Variants in FER1L5 observed in about 807,000 individuals in gnomAD.
FER1L5 encodes the protein fer-1-like protein 5.
A neutral mutation model predicts 279.9 loss-of-function variants in FER1L5; 187 were observed. The ratio of observed to expected loss-of-function variants is 0.67; its 90% CI spans 0.59 to 0.75. FER1L5 has a LOEUF of 0.75. Among genes scored for constraint, FER1L5 ranks in the 30% least tolerant of loss-of-function variants. The pLI is 0.00. For missense variants in FER1L5, 2,091 were observed against 2,594.4 expected, an observed-to-expected ratio of 0.81 and a Z score of 4.21; for synonymous variants, 921 against 989.7, an observed-to-expected ratio of 0.93 and a Z score of 1.30.
rs544124890 is a variant in FER1L5 at position 96,700,415 on chromosome 2, C to T, written c.5014C>T (p.Pro1672Ser). ...CCTCCTGCACACCCAGGGGCTGGTA[C>T]CTGAGCACGTGGAGACCCGCACACT... ...LYLLHTQGLVPEHVETRTLYS... is the reference protein window; with the variant it reads ...LYLLHTQGLVSEHVETRTLYS... The change falls in exon 45 of 53, where the codon CCT becomes TCT. Residue 1672 changes from proline (P) to serine (S), a missense_variant. Coordinates refer to ENST00000624922, the MANE Select transcript of FER1L5 (RefSeq NM_001293083.2). 8.7e-6 allele frequency: 14 copies of T among 1,613,844 alleles called. No homozygotes were observed. Among genetic ancestry groups the T allele is most frequent in the Admixed American group, 6.7e-5 (4 of 60,026 alleles).
chr2:96,664,316 C>T (rs1444983752), intron 14 of FER1L5, among the ~76,000 whole-genome samples: 1 of 152,070 alleles, frequency 6.6e-6, no homozygotes, highest in Non-Finnish European at 1.5e-5. Flanking sequence ...TGCCTAATGC[C>T]TCTTGGGAAT....
intron 20 of FER1L5, 140 bp downstream of exon 20, chr2:96,684,591 G>A: frequency 1.6e-6 from 2 of 1,284,812 alleles, no homozygotes; most frequent in Non-Finnish European, 1.0e-6. Flanking sequence ...AGAAGAATGT[G>A]CCAGAAGCAG....
chr2:96,694,520 T>A lies in FER1L5; in HGVS notation c.3741+56T>A. 4 of 1,364,672 alleles carry A rather than the reference T, an allele frequency of 2.9e-6. No homozygotes were observed. Among genetic ancestry groups the A allele is most frequent in the Non-Finnish European group, 3.9e-6 (4 of 1,016,600 alleles). The allele number at this position is 1,364,672 out of a possible 1,614,324, so 84.5% of individuals were successfully genotyped here. On this transcript the variant is annotated intron_variant, in intron 34 of 52. Coordinates refer to ENST00000624922, the MANE Select transcript of FER1L5 (RefSeq NM_001293083.2). This position sits in a 1 kb window ranked among gnomAD's most constrained non-coding sequence, Gnocchi z 4.6. ...CAGGACAGGCGGGGGTGGTCTGGAG[T>A]GCGCTGCAGCCTTCTGCTGGTCCTC...
At chr2:96,664,078 A>C (rs2076045271) in intron 14 of FER1L5, among the ~76,000 whole-genome samples, 1 of 151,664 alleles carries the variant, frequency 6.6e-6, no homozygotes, top group Non-Finnish European at 1.5e-5. Context: ...AAGCCACTGC[A>C]CTCCAGCCTG....
At position 96,687,845 on chromosome 2, in the gene FER1L5, G is replaced by A. The variant is rs571109183; in HGVS notation, c.2259G>A (p.Val753=). The A allele has an allele frequency of 2.6e-6, 4 of 1,551,270 alleles. No homozygotes were observed. In the South Asian group the frequency reaches 4.8e-5, roughly 18 times the overall value. ...CAGAGGGTGAAGGACAGAAGGATGT[G>A]CTCCCAGCTCACCTCCGGGTCTGCA... is the stretch of plus-strand genomic sequence containing the variant. ...QYPEGEGQKD[V]LPAHLRVCMW... is the part of the protein sequence containing the mutation. Residue 753 remains valine (V), a synonymous_variant, in exon 24 of 53, where the codon GTG becomes GTA. Coordinates refer to ENST00000624922, the MANE Select transcript of FER1L5 (RefSeq NM_001293083.2).
intron 13 of FER1L5, 34 bp downstream of exon 13, chr2:96,662,301 T>C (rs1467979326): frequency 4.5e-6 from 7 of 1,547,080 alleles, no homozygotes; most frequent in East Asian, 4.9e-5. Flanking sequence ...CCCAGAGAGA[T>C]TGGCATCTAG....
At chr2:96,693,292 T>A (rs1210495630) in intron 31 of FER1L5, among the ~76,000 whole-genome samples, 2 of 151,874 alleles carry the variant, frequency 1.3e-5, no homozygotes, top group Admixed American at 6.6e-5. Context: ...CTGGGAGGCA[T>A]ACAGAACTCG....
chr2:96,663,812 G>A (rs755914603), intron 14 of FER1L5, among the ~76,000 whole-genome samples: 5 of 152,242 alleles, frequency 3.3e-5, no homozygotes, highest in Non-Finnish European at 5.9e-5. Flanking sequence ...GGAGGCTGAC[G>A]TGGGCAGATC....
Position 96,694,673 on chromosome 2 carries a change from G to C in FER1L5, c.3741+209G>C. The stretch of plus-strand genomic sequence containing the variant: ...TTTTACCACAAACCTCTGCAGTGAG[G>C]AGTAGGCAAAGGGCTGTAGCATGCA... On this transcript the variant is annotated intron_variant, in intron 34 of 52. Transcript: ENST00000624922. The surrounding 1 kb of genome is among the most constrained non-coding windows in gnomAD (Gnocchi z 4.6). The C allele has an allele frequency of 4.3e-6, 2 of 460,206 alleles. No individual in the cohort carries two copies. Among genetic ancestry groups the C allele is most frequent in the East Asian group, 6.7e-5 (2 of 29,676 alleles). The allele number at this position is 460,206 out of a possible 1,614,324, so 28.5% of individuals were successfully genotyped here. A position where few individuals can be genotyped will look rare whatever the true frequency, so the allele number is the denominator to read the frequency against.
rs1254112533 is a variant in FER1L5 at position 96,661,697 on chromosome 2, T to A, written c.924T>A (p.Asp308Glu). ...LIDQKLLYGT[D>E]DTDIQIFKSA... is the part of the protein sequence containing the mutation. ...ATCAAAAGCTGCTCTATGGCACCGATGACACCGATATTCAGATCTTCAAGT... is the reference window on the plus strand; with the variant it reads ...ATCAAAAGCTGCTCTATGGCACCGAAGACACCGATATTCAGATCTTCAAGT... Residue 308 changes from aspartate (D) to glutamate (E), a missense_variant, in exon 12 of 53, where the codon GAT becomes GAA. Physicochemically the swap from Asp to Glu is conservative, Grantham distance 45. Coordinates refer to ENST00000624922, the MANE Select transcript of FER1L5 (RefSeq NM_001293083.2). 1.3e-6 allele frequency: 2 copies of A among 1,551,736 alleles called. No homozygotes were observed. Among genetic ancestry groups the A allele is most frequent in the African/African-American group, 1.4e-5 (1 of 73,172 alleles).
At chr2:96,643,539 G>A (rs1286876216) in intron 1 of FER1L5, among the ~76,000 whole-genome samples, 5 of 151,804 alleles carry the variant, frequency 3.3e-5, no homozygotes, top group African/African-American at 7.3e-5. Flanking sequence ...TAATAGAGAC[G>A]GGGTTTCACC....
intron 9 of FER1L5, among the ~76,000 whole-genome samples, chr2:96,659,475 T>TTCTTTCTTTCTC (rs2075846679): frequency 3.1e-5 from 1 of 32,178 alleles, no homozygotes; most frequent in South Asian, 1.9e-3. Context: ...CTTTCTTTCT[T>TTCTTTCTTTCTC]TCTTTCTTTC....
chr2:96,671,105 T>TAAAAAAAAAAAAAA (rs2076308124), intron 18 of FER1L5, among the ~76,000 whole-genome samples: 1 of 6,648 alleles, frequency 1.5e-4, no homozygotes, highest in African/African-American at 3.6e-3. Context: ...AGACTCCATC[T>TAAAAAAAAAAAAAA]CAAAAAAAAA....
intron 51 of FER1L5, 140 bp from the exon 52 acceptor site, chr2:96,704,075 C>G: frequency 9.3e-7 from 1 of 1,074,876 alleles, no homozygotes. Flanking sequence ...CTCGGCCTCC[C>G]AAAATGCTGG....
chr2:96,686,825 CAGCCTGGGTGACAG>C (rs2076944571), intron 23 of FER1L5, among the ~76,000 whole-genome samples: 1 of 137,424 alleles, frequency 7.3e-6, no homozygotes, highest in South Asian at 2.2e-4. Flanking sequence ...GACACTGTTC[CAGCCTGGGTGACAG>C]AGCGAGACTC....
intron 6 of FER1L5, among the ~76,000 whole-genome samples, chr2:96,650,907 C>T (rs1277498568): frequency 2.0e-5 from 3 of 152,236 alleles, no homozygotes; most frequent in Non-Finnish European, 4.4e-5. Flanking sequence ...ATTTCCCCCT[C>T]GCCACTTCTG....
chr2:96,680,348 A>G (rs2076673447), intron 19 of FER1L5, among the ~76,000 whole-genome samples: 1 of 151,872 alleles, frequency 6.6e-6, no homozygotes, highest in Non-Finnish European at 1.5e-5. Context: ...TGTCTTCCAA[A>G]AATCCCGGAA....
intron 12 of FER1L5, 41 bp from the exon 13 acceptor site, chr2:96,662,174 A>C: frequency 6.5e-7 from 1 of 1,547,610 alleles, no homozygotes; most frequent in Non-Finnish European, 8.7e-7. Flanking sequence ...CCTCCTGAAA[A>C]ATGCTGCTGG....
rs200696757 is a variant in FER1L5, at chr2:96,679,763, CT to C, written c.1670-4563del. 1.3e-3 allele frequency among the ~76,000 whole-genome samples: 198 copies of C among 152,242 alleles called. 4 individuals are homozygous for C. In the East Asian group the frequency reaches 0.034, roughly 26 times the overall value. ...TGGTTTTATCTGTATCTGTCATTTT[CT>C]CCCTGATCCTTTTTTGACCTATTCT... On this transcript the variant is annotated intron_variant, in intron 19 of 52. Transcript: ENST00000624922.
Sources: gnomAD v4.1 joint callset for allele counts (sites outside exome capture counted in the v4.1 genomes callset) on GRCh38, gnomAD v4.1.1 for gene constraint, Gnocchi (gnomAD v3.1) non-coding constraint, MANE v1.5 for transcripts, NCBI Gene and HGNC (gene_info 2026-07-23, HGNC 2026-07-21) for gene names.